CHD1L: variants seen among roughly 807,000 people sequenced by gnomAD.
CHD1L encodes the protein chromodomain helicase DNA binding protein 1 like.
CHD1L carries 118 observed loss-of-function variants against 115.9 expected under a neutral mutation model. The observed-to-expected ratio is 1.02, with a 90% CI of 0.88 to 1.19. CHD1L has a LOEUF of 1.19. CHD1L is among the 50% of genes most tolerant of loss of function. CHD1L has a pLI of 0.00. For synonymous variants in CHD1L, 411 were observed against 387.1 expected (o/e 1.06, Z -0.72); for missense variants, 1,179 against 1,065.3 (o/e 1.11, Z -1.49).
At chr1:147,180,579 C>T in the CHD1L span, among the ~76,000 whole-genome samples, 7 of 152,234 alleles carry the variant, frequency 4.6e-5, no homozygotes, top group Non-Finnish European at 1.5e-5. Flanking sequence ...GCATGAGCCA[C>T]TGCGTCCGGC....
rs782111692 is a variant in CHD1L, at chr1:147,265,966, G to C, written c.774G>C (p.Leu258=). Reference sequence around the variant, plus strand: ...TGCACAAACTCTTGCAGCCATTTCTGCTGAGGCGAGTGAAAGCTGAGGTAG... The same window carrying C: ...TGCACAAACTCTTGCAGCCATTTCTCCTGAGGCGAGTGAAAGCTGAGGTAG... ...SELHKLLQPF[L]LRRVKAEVAT... The change falls in exon 8 of 23, where the codon CTG becomes CTC. Residue 258 remains leucine (L), a synonymous_variant. Transcript: ENST00000369258. 1.9e-6 allele frequency: 3 copies of C among 1,613,178 alleles called. No homozygotes were observed. Among genetic ancestry groups the C allele is most frequent in the South Asian group, 1.1e-5 (1 of 90,954 alleles).
At chr1:147,176,549 C>G in the CHD1L span, among the ~76,000 whole-genome samples, 2 of 152,174 alleles carry the variant, frequency 1.3e-5, no homozygotes, top group Non-Finnish European at 2.9e-5. Context: ...CTGAGCCACC[C>G]CTGCTCTAGA....
the CHD1L span, chr1:147,201,303 T>G: frequency 6.2e-7 from 1 of 1,614,200 alleles, no homozygotes; most frequent in East Asian, 2.2e-5. Flanking sequence ...TTTTGACCAC[T>G]TTGACGGAAT....
chr1:147,202,410 C>G, the CHD1L span, among the ~76,000 whole-genome samples: 1 of 149,756 alleles, frequency 6.7e-6, no homozygotes, highest in Non-Finnish European at 1.5e-5. Context: ...ACCTCCACCT[C>G]CCAGGTTCAA....
the CHD1L span, among the ~76,000 whole-genome samples, chr1:147,189,520 A>ATGAT: frequency 6.6e-6 from 1 of 152,172 alleles, no homozygotes; most frequent in South Asian, 2.1e-4. Flanking sequence ...TAGGCCTGGA[A>ATGAT]TGATTGTGTC....
At chr1:147,245,693 C>T (rs967940064) in intron 1 of CHD1L, among the ~76,000 whole-genome samples, 3 of 77,874 alleles carry the variant, frequency 3.9e-5, no homozygotes, top group African/African-American at 1.1e-4. Context: ...TTTGAAAATT[C>T]AACTTTTTTT....
chr1:147,268,899 T>C, intron 10 of CHD1L, 21 bp downstream of exon 10: 1 of 1,570,996 alleles, frequency 6.4e-7, no homozygotes, highest in East Asian at 2.2e-5. Flanking sequence ...GGTTCACATT[T>C]GCTGCTCTGA....
the CHD1L span, among the ~76,000 whole-genome samples, chr1:147,219,957 G>C: frequency 2.6e-5 from 4 of 151,288 alleles, no homozygotes; most frequent in African/African-American, 9.7e-5. Context: ...TCCTGCCTCA[G>C]CCTCCGGAGT....
chr1:147,209,282 C>T, the CHD1L span, among the ~76,000 whole-genome samples: 1 of 151,892 alleles, frequency 6.6e-6, no homozygotes, highest in Admixed American at 6.6e-5. Flanking sequence ...ACTAAAAATA[C>T]AAAAAATTAG....
chr1:147,268,752 A>G (rs1553950404), intron 9 of CHD1L, 30 bp from the exon 10 acceptor site: 1 of 1,592,028 alleles, frequency 6.3e-7, no homozygotes, highest in Admixed American at 1.7e-5. Flanking sequence ...CTGAGGGCAC[A>G]TTACTGGGAG....
the CHD1L span, among the ~76,000 whole-genome samples, chr1:147,206,524 C>A: frequency 2.0e-5 from 3 of 152,104 alleles, no homozygotes; most frequent in South Asian, 6.2e-4. Flanking sequence ...AAATGTCCAA[C>A]AATGATAGAC....
the CHD1L span, among the ~76,000 whole-genome samples, chr1:147,181,831 G>A: frequency 9.2e-5 from 14 of 152,200 alleles, no homozygotes; most frequent in African/African-American, 3.1e-4. Flanking sequence ...GGTGGGCTGG[G>A]AAATGAAGAC....
At chr1:147,272,903 G>GAAAA (rs35351060) in intron 12 of CHD1L, among the ~76,000 whole-genome samples, 2,072 of 141,332 alleles carry the variant, frequency 0.015, 49 homozygotes, top group African/African-American at 0.047. Flanking sequence ...GTGGTGTCTG[G>GAAAA]AAAAAAAAAA....
In CHD1L at chr1:147,264,483, T is replaced by C. The variant is rs782808030; in HGVS notation, c.638T>C (p.Leu213Pro). ...CCCATCCAGAACAGCCTCCAAGAGC[T>C]CTACTCCCTCCTCAGTTTTGTGGAG... is the stretch of plus-strand genomic sequence containing the variant. Reference protein sequence around the residue: ...GTPIQNSLQELYSLLSFVEPD... With the variant: ...GTPIQNSLQEPYSLLSFVEPD... Residue 213 changes from leucine (L) to proline (P), a missense_variant, in exon 7 of 23, where the codon CTC becomes CCC. Coordinates refer to ENST00000369258, the MANE Select transcript of CHD1L (RefSeq NM_004284.6). The C allele has an allele frequency of 6.2e-7, 1 of 1,614,012 alleles. No individual in the cohort carries two copies. The highest frequency in any genetic ancestry group is 8.5e-7 in the Non-Finnish European group (1 of 1,179,942).
chr1:147,236,165 T>A, the CHD1L span, among the ~76,000 whole-genome samples: 1 of 152,174 alleles, frequency 6.6e-6, no homozygotes, highest in East Asian at 1.9e-4. Flanking sequence ...ACAAGCAGAT[T>A]TCATGGCTGG....
At position 147,249,997 on chromosome 1, in the gene CHD1L, T is replaced by A. The variant is rs181546296; in HGVS notation, c.128-2626T>A. Among the ~76,000 whole-genome samples, 221 of 152,252 alleles carry A rather than the reference T, an allele frequency of 1.5e-3. 1 individual carries two copies. Among genetic ancestry groups the A allele is most frequent in the African/African-American group, 5.0e-3 (209 of 41,562 alleles). On this transcript the variant is annotated intron_variant, in intron 1 of 22. Transcript: ENST00000369258. Reference sequence around the variant, plus strand: ...TCACTTCCTTCCATTCTGCTGTTGATCCCATCAACAGCATCAGTAGCCTTT... The same window carrying A: ...TCACTTCCTTCCATTCTGCTGTTGAACCCATCAACAGCATCAGTAGCCTTT...
intron 1 of CHD1L, among the ~76,000 whole-genome samples, chr1:147,252,044 A>C (rs1224871384): frequency 6.6e-6 from 1 of 152,150 alleles, no homozygotes; most frequent in East Asian, 1.9e-4. Flanking sequence ...TTTTTTCACC[A>C]AGGGAAAGAG....
intron 19 of CHD1L, among the ~76,000 whole-genome samples, chr1:147,288,926 A>G (rs1475305924): frequency 6.6e-6 from 1 of 152,184 alleles, no homozygotes; most frequent in Non-Finnish European, 1.5e-5. Flanking sequence ...AGTGGCAAGA[A>G]TAAAATTATT....
Position 147,248,574 on chromosome 1 carries a change from G to A in CHD1L, c.128-4049G>A, listed in dbSNP as rs150636466. On this transcript the variant is annotated intron_variant, in intron 1 of 22. Coordinates refer to ENST00000369258, the MANE Select transcript of CHD1L (RefSeq NM_004284.6). ...TTCAAGTAATTATTACTATGTTTGA[G>A]CTTAACTCTGCCATCTTATTTTTAT... is the stretch of plus-strand genomic sequence containing the variant. Among the ~76,000 whole-genome samples, 159 of 152,230 alleles carry A rather than the reference G, an allele frequency of 1.0e-3. 4 individuals are homozygous for A. The East Asian group carries it at 0.027, about 26-fold the overall frequency.
Sources: gnomAD v4.1 joint callset for allele counts (sites outside exome capture counted in the v4.1 genomes callset) on GRCh38, gnomAD v4.1.1 for gene constraint, MANE v1.5 for transcripts, NCBI Gene and HGNC (gene_info 2026-07-23, HGNC 2026-07-21) for gene names.